Variants in DPYD observed in about 807,000 individuals in gnomAD.
DPYD encodes the protein dihydropyrimidine dehydrogenase [NADP(+)].
In DPYD, 109 loss-of-function variants were observed where a neutral mutation model predicts 116.2. That is an observed-to-expected ratio of 0.94 (90% CI 0.80 to 1.10). The LOEUF (loss-of-function observed/expected upper bound fraction) is 1.10. DPYD is among the 50% of genes least tolerant of loss of function. The pLI is 0.00. For missense variants in DPYD, 1,302 were observed against 1,254.5 expected, an observed-to-expected ratio of 1.04 and a Z score of -0.57; for synonymous variants, 440 against 432.0, an observed-to-expected ratio of 1.02 and a Z score of -0.23.
chr1:97,082,460 C>A lies in DPYD; in HGVS notation c.2777G>T (p.Gly926Val), dbSNP rs1462320422. The change falls in exon 22 of 23, where the codon GGA (glycine) becomes GTA (valine). Residue 926 changes from glycine to valine, a missense_variant. Coordinates refer to ENST00000370192, the MANE Select transcript of DPYD (RefSeq NM_000110.4). ...RPIPTIKDVI[G>V]KALQYLGTFG... is the part of the protein sequence containing the mutation. The stretch of plus-strand genomic sequence containing the variant: ...TGTTCCAAGGTACTGCAGTGCTTTT[C>A]CTATTACATCCTAAAAATAGCCACT... 2.5e-6 allele frequency: 4 copies of A among 1,613,360 alleles called. No individual in the cohort carries two copies. The East Asian group carries it at 8.9e-5, about 36-fold the overall frequency.
chr1:97,471,898 T>G (rs1677683281), intron 13 of DPYD, among the ~76,000 whole-genome samples: 1 of 152,138 alleles, frequency 6.6e-6, no homozygotes, highest in Non-Finnish European at 1.5e-5. Flanking sequence ...CCCGTCCCCC[T>G]CTTTTTCAGA....
intron 13 of DPYD, among the ~76,000 whole-genome samples, chr1:97,467,908 T>C (rs1677420142): frequency 6.6e-6 from 1 of 152,238 alleles, no homozygotes; most frequent in Non-Finnish European, 1.5e-5. Context: ...AGGGAACAGA[T>C]CTAGAAAAGA....
intron 12 of DPYD, among the ~76,000 whole-genome samples, chr1:97,525,874 GT>G: frequency 1.1e-5 from 1 of 90,940 alleles, no homozygotes. Context: ...GAGTGTGCGT[GT>G]GTGTGTGTGT....
At chr1:97,463,317 C>T (rs1468822672) in intron 13 of DPYD, among the ~76,000 whole-genome samples, 1 of 152,172 alleles carries the variant, frequency 6.6e-6, no homozygotes, top group Non-Finnish European at 1.5e-5. Context: ...TTTCCCTGCA[C>T]TCTCTCTTTG....
chr1:97,733,488 T>C (rs1663750883), intron 4 of DPYD, among the ~76,000 whole-genome samples: 1 of 151,940 alleles, frequency 6.6e-6, no homozygotes, highest in African/African-American at 2.4e-5. Flanking sequence ...TACTATGCAA[T>C]TTGTCCTCTT....
intron 3 of DPYD, among the ~76,000 whole-genome samples, chr1:97,814,621 A>G (rs967940565): frequency 3.3e-5 from 5 of 152,162 alleles, no homozygotes; most frequent in African/African-American, 9.7e-5. Flanking sequence ...ATAACTAAAG[A>G]TGATGCTACT....
At chr1:97,186,909 T>A (rs1375097080) in intron 20 of DPYD, among the ~76,000 whole-genome samples, 1 of 152,116 alleles carries the variant, frequency 6.6e-6, no homozygotes, top group Non-Finnish European at 1.5e-5. Flanking sequence ...GATCCATCGA[T>A]GTTGCTATAA....
chr1:97,795,948 A>G (rs1029945837), intron 3 of DPYD, among the ~76,000 whole-genome samples: 7 of 152,110 alleles, frequency 4.6e-5, no homozygotes, highest in African/African-American at 1.7e-4. Flanking sequence ...TTTTCTGATA[A>G]TGAGGGTAGG....
intron 11 of DPYD, among the ~76,000 whole-genome samples, chr1:97,573,124 A>C (rs1442778456): frequency 6.6e-6 from 1 of 152,110 alleles, no homozygotes; most frequent in African/African-American, 2.4e-5. Context: ...TGACCCACAG[A>C]AACACTGTAT....
At chr1:97,676,158 T>C (rs189939377) in intron 8 of DPYD, among the ~76,000 whole-genome samples, 28 of 152,274 alleles carry the variant, frequency 1.8e-4, no homozygotes, top group Admixed American at 1.4e-3. Flanking sequence ...CAAATACTAA[T>C]GATGATGCAC....
chr1:97,691,125 A>T (rs942040297), intron 7 of DPYD: 1 of 152,538 alleles, frequency 6.6e-6, no homozygotes, highest in Non-Finnish European at 1.5e-5. Flanking sequence ...CTTAACAGAA[A>T]AGAAGAGGAA....
chr1:97,252,323 G>A (rs965344638), intron 18 of DPYD, among the ~76,000 whole-genome samples: 2 of 152,200 alleles, frequency 1.3e-5, no homozygotes, highest in Non-Finnish European at 2.9e-5. Flanking sequence ...CCATTTGCAA[G>A]AAGAGGAGAC....
At chr1:97,466,514 C>T (rs1345927847) in intron 13 of DPYD, among the ~76,000 whole-genome samples, 1 of 151,604 alleles carries the variant, frequency 6.6e-6, no homozygotes, top group African/African-American at 2.4e-5. Flanking sequence ...GTCTCGGTGT[C>T]AAGATTGATA....
rs575028355 is a variant in DPYD, at chr1:97,886,257, G to T, written c.40-2883C>A. On this transcript the variant is annotated intron_variant, in intron 1 of 22. Coordinates refer to ENST00000370192, the MANE Select transcript of DPYD (RefSeq NM_000110.4). ...GCTCTACCCCAGCCACCAGTTGAGG[G>T]CTATGGTATCTCCCAGAGAGGGGTA... Among the ~76,000 whole-genome samples, 6 of 152,156 alleles carry T rather than the reference G, an allele frequency of 3.9e-5. No homozygotes were observed. The East Asian group carries it at 1.2e-3, about 30-fold the overall frequency.
chr1:97,703,671 A>G (rs1432648269), intron 5 of DPYD, among the ~76,000 whole-genome samples: 11 of 152,186 alleles, frequency 7.2e-5, no homozygotes, highest in East Asian at 5.8e-4. Context: ...CAAGTGCTCA[A>G]TAACTACATG....
intron 16 of DPYD, among the ~76,000 whole-genome samples, chr1:97,315,750 G>T (rs571581790): frequency 6.6e-6 from 1 of 152,076 alleles, no homozygotes; most frequent in East Asian, 2.0e-4. Flanking sequence ...CCCTTGGCTT[G>T]ACAGAACAAG....
chr1:97,157,173 G>A (rs1044678085), intron 20 of DPYD, among the ~76,000 whole-genome samples: 42 of 150,762 alleles, frequency 2.8e-4, no homozygotes, highest in Non-Finnish European at 5.9e-5. Context: ...GCTAAATGAC[G>A]AGTTAATGGG....
At chr1:97,635,099 T>C (rs1657488273) in intron 8 of DPYD, among the ~76,000 whole-genome samples, 2 of 151,984 alleles carry the variant, frequency 1.3e-5, no homozygotes, top group Admixed American at 6.6e-5. Context: ...AGAGAAACGC[T>C]GGAGTGGCAC....
In DPYD at chr1:97,751,879, C is replaced by A. The variant is rs1345269272; in HGVS notation, c.234-11400G>T. ...CTGGATTCAAGCGATTCTCATGCCTCAGCCTCCCGAGTAGCTGAGATCACA... is the reference window on the plus strand; with the variant it reads ...CTGGATTCAAGCGATTCTCATGCCTAAGCCTCCCGAGTAGCTGAGATCACA... On this transcript the variant is annotated intron_variant, in intron 3 of 22. Transcript: ENST00000370192. 2.0e-5 allele frequency among the ~76,000 whole-genome samples: 3 copies of A among 151,670 alleles called. 1 individual carries two copies. Among genetic ancestry groups the A allele is most frequent in the Admixed American group, 2.0e-4 (3 of 15,210 alleles).
Sources: allele counts gnomAD v4.1 joint callset (sites outside exome capture counted in the v4.1 genomes callset), GRCh38; gene constraint gnomAD v4.1.1; transcripts MANE v1.5; gene names NCBI Gene and HGNC (gene_info 2026-07-23, HGNC 2026-07-21).